Variants in TECPR2 observed in about 807,000 individuals in gnomAD.
The protein encoded by TECPR2 is tectonin beta-propeller repeat-containing protein 2.
In TECPR2, 65 loss-of-function variants were observed where a neutral mutation model predicts 138.1. The ratio of observed to expected loss-of-function variants is 0.47; its 90% CI spans 0.39 to 0.58. The LOEUF is 0.58. Among genes scored for constraint, TECPR2 ranks in the 20% least tolerant of loss-of-function variants. The pLI is 0.00. For synonymous variants in TECPR2, 746 were observed against 749.8 expected (o/e 0.99, Z 0.08); for missense variants, 1,553 against 1,824.5 (o/e 0.85, Z 2.71).
intron 2 of TECPR2, among the ~76,000 whole-genome samples, chr14:102,393,059 T>C (rs770616912): frequency 6.6e-6 from 1 of 152,178 alleles, no homozygotes; most frequent in Non-Finnish European, 1.5e-5. Context: ...GCAGAGAATA[T>C]CAGCTCCAGC....
intron 10 of TECPR2, 95 bp downstream of exon 10, chr14:102,438,300 C>T (rs2139737012): frequency 7.0e-7 from 1 of 1,423,540 alleles, no homozygotes; most frequent in Non-Finnish European, 9.3e-7. Flanking sequence ...CAGGGCTCCC[C>T]TGCAGCAGCT....
In TECPR2 at chr14:102,452,626, A is replaced by G; in HGVS notation, c.3639A>G (p.Leu1213=). The G allele has an allele frequency of 6.3e-7, 1 of 1,584,556 alleles. No individual in the cohort carries two copies. Among genetic ancestry groups the G allele is most frequent in the Non-Finnish European group, 8.6e-7 (1 of 1,165,622 alleles). The change falls in exon 16 of 20, where the codon CTA becomes CTG. Residue 1213 remains leucine, a splice_region_variant and synonymous_variant. Coordinates refer to ENST00000359520, the MANE Select transcript of TECPR2 (RefSeq NM_014844.5). ...GGACCAGGCTGGACCTCTCCCAGCT[A>G]GGTACGGCCACCTCGTGAGTACACC... ...MHWTRLDLSQ[L]GAVKLTSLAC...
Position 102,497,000 on chromosome 14 carries a change from A to G in TECPR2, c.3811A>G (p.Ser1271Gly). 6.2e-7 allele frequency: 1 copy of G among 1,614,048 alleles called. No individual in the cohort carries two copies. Among genetic ancestry groups the G allele is most frequent in the Non-Finnish European group, 8.5e-7 (1 of 1,180,008 alleles). ...CCAGCCCGCCGGGGTCAGCTTGGTCAGCGTCCATTCCAGCCCCAACGACCA... is the reference window on the plus strand; with the variant it reads ...CCAGCCCGCCGGGGTCAGCTTGGTCGGCGTCCATTCCAGCCCCAACGACCA... ...PVQPAGVSLV[S>G]VHSSPNDQML... Residue 1271 changes from serine (S) to glycine (G), a missense_variant, in exon 18 of 20, where the codon AGC (serine) becomes GGC (glycine). By Grantham distance (56) the Ser-to-Gly change is moderately conservative. Transcript: ENST00000359520.
chr14:102,442,902 T>G (rs1438457326), intron 11 of TECPR2, among the ~76,000 whole-genome samples: 1 of 152,216 alleles, frequency 6.6e-6, no homozygotes, highest in Non-Finnish European at 1.5e-5. Context: ...CATACTTTAT[T>G]GACAGAACAC....
rs141227362 is a variant in TECPR2, at chr14:102,485,338, C to T, written c.3790-11641C>T. 3.4e-3 allele frequency among the ~76,000 whole-genome samples: 521 copies of T among 152,316 alleles called. 5 individuals carry two copies. Among genetic ancestry groups the T allele is most frequent in the African/African-American group, 0.012 (491 of 41,558 alleles). On this transcript the variant is annotated intron_variant, in intron 17 of 19. Transcript: ENST00000359520. ...CTAATGGTGTGGGATGGAACCAGCT[C>T]CCTTTGAGAGAAACTAAATTGTTTT...
intron 4 of TECPR2, among the ~76,000 whole-genome samples, chr14:102,411,698 TCAAAAAAAAAAAAAAA>T (rs1394812209): frequency 2.1e-4 from 2 of 9,688 alleles, no homozygotes; most frequent in Non-Finnish European, 3.8e-4. Flanking sequence ...GCCATGTTGC[TCAAAAAAAAAAAAAAA>T]AAAAAAAAAA....
chr14:102,366,891 A>G (rs953059723), intron 1 of TECPR2, among the ~76,000 whole-genome samples: 38 of 152,364 alleles, frequency 2.5e-4, no homozygotes, highest in African/African-American at 7.5e-4. Context: ...AAGAAGGGAC[A>G]GTTGGGTACT....
chr14:102,417,334 C>T (rs898311516), intron 5 of TECPR2, among the ~76,000 whole-genome samples: 17 of 152,154 alleles, frequency 1.1e-4, no homozygotes, highest in African/African-American at 3.6e-4. Flanking sequence ...GTTTAGTGAG[C>T]GGAGCTAGGC....
At chr14:102,432,212 AAT>A in intron 8 of TECPR2, 84 bp downstream of exon 8, 25 of 1,314,512 alleles carry the variant, frequency 1.9e-5, no homozygotes, top group Non-Finnish European at 2.2e-5. Flanking sequence ...CTGAGTGAGC[AAT>A]GCTCCATACA....
intron 17 of TECPR2, among the ~76,000 whole-genome samples, chr14:102,481,954 A>G (rs914556693): frequency 6.6e-6 from 1 of 152,050 alleles, no homozygotes; most frequent in African/African-American, 2.4e-5. Context: ...AGCTCTTCAC[A>G]GCGGAGGCAG....
At chr14:102,478,848 T>C (rs776407211) in intron 17 of TECPR2, among the ~76,000 whole-genome samples, 12 of 151,700 alleles carry the variant, frequency 7.9e-5, no homozygotes, top group Non-Finnish European at 1.6e-4. Flanking sequence ...AAACCCCATC[T>C]CTACCAAAAA....
At chr14:102,381,109 C>G (rs774172217) in intron 2 of TECPR2, among the ~76,000 whole-genome samples, 1 of 151,792 alleles carries the variant, frequency 6.6e-6, no homozygotes, top group African/African-American at 2.4e-5. Flanking sequence ...TACAGGCACA[C>G]GCCACCAAGC....
At position 102,485,738 on chromosome 14, in the gene TECPR2, CCA is replaced by C. The variant is rs1891011808; in HGVS notation, c.3790-11240_3790-11239del. 2.0e-5 allele frequency among the ~76,000 whole-genome samples: 3 copies of C among 152,270 alleles called. No individual in the cohort carries two copies. In the South Asian group the frequency reaches 6.2e-4, roughly 32 times the overall value. On this transcript the variant is annotated intron_variant, in intron 17 of 19. Coordinates refer to ENST00000359520, the MANE Select transcript of TECPR2 (RefSeq NM_014844.5). ...TGCCATGACCCTAGAGGAGCAGAGC[CCA>C]GAGATCATCTTTAGGGACCTCTCCC...
At chr14:102,457,514 G>A (rs1211689213) in intron 16 of TECPR2, among the ~76,000 whole-genome samples, 2 of 152,212 alleles carry the variant, frequency 1.3e-5, no homozygotes, top group African/African-American at 4.8e-5. Flanking sequence ...GGGGATTATT[G>A]ACTGTAAAGG....
At chr14:102,438,565 GTTTCTC>G in intron 10 of TECPR2, 1 of 194,116 alleles carries the variant, frequency 5.2e-6, no homozygotes, top group Non-Finnish European at 1.0e-5. Flanking sequence ...AATAATACGT[GTTTCTC>G]TTTCTCATTG....
At chr14:102,393,041 C>A (rs1208446571) in intron 2 of TECPR2, among the ~76,000 whole-genome samples, 1 of 152,154 alleles carries the variant, frequency 6.6e-6, no homozygotes, top group Non-Finnish European at 1.5e-5. Flanking sequence ...CCTTGGGATT[C>A]TGGCTTGGCA....
At chr14:102,436,647 G>A (rs1414603153) in intron 9 of TECPR2, among the ~76,000 whole-genome samples, 1 of 152,136 alleles carries the variant, frequency 6.6e-6, no homozygotes, top group Non-Finnish European at 1.5e-5. Flanking sequence ...CAGTCATCCG[G>A]CATTTATCTT....
At position 102,420,794 on chromosome 14, in the gene TECPR2, A is replaced by C. The variant is rs3742434; in HGVS notation, c.639-4185A>C. On this transcript the variant is annotated intron_variant, in intron 5 of 19. Coordinates refer to ENST00000359520, the MANE Select transcript of TECPR2 (RefSeq NM_014844.5). The surrounding 1 kb of genome is among the most constrained non-coding windows in gnomAD (Gnocchi z 4.1). Reference sequence around the variant, plus strand: ...CTATTCAGCAGTTTTAGAGGCAGCCACTCCCAGGACCTTGCTCAGCAGGGC... The same window carrying C: ...CTATTCAGCAGTTTTAGAGGCAGCCCCTCCCAGGACCTTGCTCAGCAGGGC... 0.32 allele frequency among the ~76,000 whole-genome samples: 48,626 copies of C among 151,902 alleles called. 8,102 individuals carry two copies. The highest frequency in any genetic ancestry group is 0.4 in the Middle Eastern group (119 of 294).
intron 13 of TECPR2, among the ~76,000 whole-genome samples, chr14:102,446,378 C>T (rs994736545): frequency 1.1e-4 from 16 of 152,126 alleles, no homozygotes; most frequent in Admixed American, 4.6e-4. Context: ...GCAGGCAGAT[C>T]ACTCGAGTCC....
Sources: allele counts gnomAD v4.1 joint callset (sites outside exome capture counted in the v4.1 genomes callset), GRCh38; gene constraint gnomAD v4.1.1; non-coding constraint Gnocchi (gnomAD v3.1); transcripts MANE v1.5; gene names NCBI Gene and HGNC (gene_info 2026-07-23, HGNC 2026-07-21).